XIRP1: variants seen among roughly 807,000 people sequenced by gnomAD.
The protein encoded by XIRP1 is xin actin binding repeat containing 1.
For synonymous variants in XIRP1, 984 were observed against 947.0 expected (o/e 1.04, Z -0.72); for missense variants, 2,378 against 2,345.4 (o/e 1.01, Z -0.29).
At chr3:39,189,988 G>C (rs1369035925) in intron 1 of XIRP1, among the ~76,000 whole-genome samples, 1 of 152,190 alleles carries the variant, frequency 6.6e-6, no homozygotes, top group Non-Finnish European at 1.5e-5. Flanking sequence ...CCAGAGGGCA[G>C]ACTTGCCATG....
Position 39,185,648 on chromosome 3 carries a change from TC to T in XIRP1, c.3797del (p.Gly1266AspfsTer22), listed in dbSNP as rs994350041. The T allele has an allele frequency of 2.5e-6, 4 of 1,613,318 alleles. No homozygotes were observed. Among genetic ancestry groups the T allele is most frequent in the Non-Finnish European group, 3.4e-6 (4 of 1,179,704 alleles). ...GGTGGGCTCCAGCTGGAAAGTCAGGTCCTGTCACAGCAGCTGGGAGAGTAGG... is the reference window on the plus strand; with the variant it reads ...GGTGGGCTCCAGCTGGAAAGTCAGGTCTGTCACAGCAGCTGGGAGAGTAGG... ...PPPTLPAAVT[G>X]PDFPAGAHRA... On this transcript the variant is annotated frameshift_variant, in exon 2 of 2. Coordinates refer to ENST00000340369, the MANE Select transcript of XIRP1 (RefSeq NM_194293.4). LOFTEE classifies it low-confidence loss of function (END_TRUNC).
At position 39,189,495 on chromosome 3, in the gene XIRP1, T is replaced by C. The variant is rs771776205; in HGVS notation, c.-50A>G. 1 of 1,531,162 alleles carries C rather than the reference T, an allele frequency of 6.5e-7. No individual in the cohort carries two copies. The highest frequency in any genetic ancestry group is 8.8e-7 in the Non-Finnish European group (1 of 1,141,378). The allele number at this position is 1,531,162 out of a possible 1,614,324, so 94.8% of individuals were successfully genotyped here. On this transcript the variant is annotated 5_prime_UTR_variant, in exon 2 of 2. Transcript: ENST00000340369. ...TGAGGATGGGATTGGGAGCCTTAGA[T>C]CTAGATGTTCAGCAGGGTAGAGGCT... is the stretch of plus-strand genomic sequence containing the variant.
Position 39,186,611 on chromosome 3 carries a change from C to T in XIRP1, c.2835G>A (p.Arg945=), listed in dbSNP as rs1286643248. Residue 945 remains arginine, a synonymous_variant, in exon 2 of 2, where the codon CGG becomes CGA. Coordinates refer to ENST00000340369, the MANE Select transcript of XIRP1 (RefSeq NM_194293.4). ...KGDLSGLHSL[R]WEPPADPSPV... is the part of the protein sequence containing the mutation. The stretch of plus-strand genomic sequence containing the variant: ...GACTCGGGTCAGCCGGGGGCTCCCA[C>T]CGCAGACTGTGCAGGCCACTCAGGT... The T allele has an allele frequency of 1.9e-6, 3 of 1,610,152 alleles. No homozygotes were observed. The highest frequency in any genetic ancestry group is 1.7e-6 in the Non-Finnish European group (2 of 1,177,524).
chr3:39,191,767 C>A (rs1245136586), intron 1 of XIRP1, among the ~76,000 whole-genome samples: 1 of 152,204 alleles, frequency 6.6e-6, no homozygotes. Context: ...CCTCCTTGGC[C>A]CAGCTGGCTC....
In XIRP1 at chr3:39,183,584, G is replaced by A. The variant is rs114470485; in HGVS notation, c.*330C>T. 0.014 allele frequency: 3,982 copies of A among 294,756 alleles called. 54 individuals are homozygous for A. The highest frequency in any genetic ancestry group is 0.021 in the South Asian group (281 of 13,704). 18.3% of individuals were successfully genotyped at this position (294,756 alleles called of 1,614,324 possible). On this transcript the variant is annotated 3_prime_UTR_variant, in exon 2 of 2. Coordinates refer to ENST00000340369, the MANE Select transcript of XIRP1 (RefSeq NM_194293.4). ...GGGGCTCCAATTCAGGCAGTGGTGT[G>A]CAAATTCACACATGTCGATGCGTGG...
At position 39,186,649 on chromosome 3, in the gene XIRP1, T is replaced by C. The variant is rs773818600; in HGVS notation, c.2797A>G (p.Ile933Val). The change falls in exon 2 of 2, where the codon ATA (isoleucine) becomes GTA (valine). Residue 933 changes from isoleucine to valine, a missense_variant. Coordinates refer to ENST00000340369, the MANE Select transcript of XIRP1 (RefSeq NM_194293.4). ...AGGCCACTCAGGTCTCCTTTATCTA[T>C]GCAGCTGGCCAACAGCTGCACGCTG... The part of the protein sequence containing the change: ...RSSVQLLASC[I>V]DKGDLSGLHS... 9 of 1,613,244 alleles carry C rather than the reference T, an allele frequency of 5.6e-6. No individual in the cohort carries two copies. Among genetic ancestry groups the C allele is most frequent in the Non-Finnish European group, 7.6e-6 (9 of 1,179,656 alleles).
rs1368903843 is a variant in XIRP1 at position 39,185,725 on chromosome 3, G to A, written c.3721C>T (p.Gln1241Ter). Residue 1241 changes from glutamine (Q) to a stop codon, truncating the protein, a stop_gained, in exon 2 of 2, where the codon CAA becomes TAA. Transcript: ENST00000340369. LOFTEE classifies it low-confidence loss of function (END_TRUNC). ...LGRHILASGP[Q>*]AAGASPHPHN... is the part of the protein sequence containing the mutation. ...GGGTGCGGGCTGGCACCTGCAGCTT[G>A]GGGCCCAGAGGCCAGAATGTGGCGG... is the stretch of plus-strand genomic sequence containing the variant. The A allele has an allele frequency of 6.2e-7, 1 of 1,609,186 alleles. No homozygotes were observed. Among genetic ancestry groups the A allele is most frequent in the Admixed American group, 1.7e-5 (1 of 59,418 alleles).
At chr3:39,189,623 C>T in intron 1 of XIRP1, 98 bp from the exon 2 acceptor site, 1 of 916,188 alleles carries the variant, frequency 1.1e-6, no homozygotes, top group Admixed American at 3.1e-5. Context: ...CTGGCCTGGG[C>T]TTCACTTCGC....
At chr3:39,191,928 C>A (rs2040093272) in intron 1 of XIRP1, among the ~76,000 whole-genome samples, 1 of 152,222 alleles carries the variant, frequency 6.6e-6, no homozygotes, top group Non-Finnish European at 1.5e-5. Context: ...ATGTAGGGAG[C>A]TGGGCTCCGG....
rs780189019 is a variant in XIRP1, at chr3:39,184,769, G to T, written c.4677C>A (p.Ser1559Arg). Residue 1559 changes from serine to arginine, a missense_variant, in exon 2 of 2, where the codon AGC becomes AGA. Transcript: ENST00000340369. The stretch of plus-strand genomic sequence containing the variant: ...CCTCAGGCTGGAGGCTAGACATGGA[G>T]CTGAGTGCCTTGTGCACAGCCTCTT... ...DIEEAVHKAL[S>R]SMSSLQPEAS... 3.4e-5 allele frequency: 55 copies of T among 1,614,134 alleles called. No homozygotes were observed. The highest frequency in any genetic ancestry group is 4.4e-5 in the Non-Finnish European group (52 of 1,180,046).
At position 39,187,226 on chromosome 3, in the gene XIRP1, C is replaced by T. The variant is rs1337049736; in HGVS notation, c.2220G>A (p.Leu740=). The T allele has an allele frequency of 1.9e-6, 3 of 1,589,386 alleles. No homozygotes were observed. The highest frequency in any genetic ancestry group is 2.6e-6 in the Non-Finnish European group (3 of 1,164,038). ...TGCCCCCTTGGATGCTCTCAGCTGC[C>T]AGGGAGCCCATGGGACAATTCTCAA... The part of the protein sequence containing the change: ...WLFENCPMGS[L]AAESIQGGNL... The change falls in exon 2 of 2, where the codon CTG becomes CTA. Residue 740 remains leucine (L), a synonymous_variant. Coordinates refer to ENST00000340369, the MANE Select transcript of XIRP1 (RefSeq NM_194293.4).
At position 39,188,129 on chromosome 3, in the gene XIRP1, C is replaced by G; in HGVS notation, c.1317G>C (p.Lys439Asn). 1 of 1,614,208 alleles carries G rather than the reference C, an allele frequency of 6.2e-7. No individual in the cohort carries two copies. Among genetic ancestry groups the G allele is most frequent in the Non-Finnish European group, 8.5e-7 (1 of 1,180,032 alleles). Reference protein sequence around the residue: ...PQRDELKGDVKTFKNLFETLP... With the variant: ...PQRDELKGDVNTFKNLFETLP... ...GGGTCTCAAAAAGGTTCTTAAAAGT[C>G]TTCACATCCCCCTTTAGCTCATCCC... The change falls in exon 2 of 2, where the codon AAG becomes AAC. Residue 439 changes from lysine to asparagine, a missense_variant. By Grantham distance (94) the Lys-to-Asn change is moderately conservative. Coordinates refer to ENST00000340369, the MANE Select transcript of XIRP1 (RefSeq NM_194293.4).
In XIRP1 at chr3:39,188,652, G is replaced by A. The variant is rs758984777; in HGVS notation, c.794C>T (p.Ala265Val). ...AACREEIQSN[A>V]VRSARWLFET... The stretch of plus-strand genomic sequence containing the variant: ...AAAGAGCCAGCGGGCAGACCTCACC[G>A]CGTTGCTTTGGATCTCCTCCCGGCA... The change falls in exon 2 of 2, where the codon GCG becomes GTG. Residue 265 changes from alanine (A) to valine (V), a missense_variant. Coordinates refer to ENST00000340369, the MANE Select transcript of XIRP1 (RefSeq NM_194293.4). 11 of 1,612,820 alleles carry A rather than the reference G, an allele frequency of 6.8e-6. No individual in the cohort carries two copies. The highest frequency in any genetic ancestry group is 4.5e-5 in the East Asian group (2 of 44,836).
At position 39,185,603 on chromosome 3, in the gene XIRP1, C is replaced by T. The variant is rs920644592; in HGVS notation, c.3843G>A (p.Gln1281=). Residue 1281 remains glutamine, a synonymous_variant, in exon 2 of 2, where the codon CAG becomes CAA. Transcript: ENST00000340369. The part of the protein sequence containing the change: ...AGAHRAEDSI[Q]QASEPLKDPL... Reference sequence around the variant, plus strand: ...GGTCCTTCAGGGGCTCAGAGGCTTGCTGGATGGAGTCCTCAGCACGGTGGG... The same window carrying T: ...GGTCCTTCAGGGGCTCAGAGGCTTGTTGGATGGAGTCCTCAGCACGGTGGG... The T allele has an allele frequency of 6.2e-6, 10 of 1,606,238 alleles. No homozygotes were observed. The highest frequency in any genetic ancestry group is 2.7e-5 in the African/African-American group (2 of 74,640).
rs1297069566 is a variant in XIRP1 at position 39,187,674 on chromosome 3, A to G, written c.1772T>C (p.Val591Ala). 1.9e-6 allele frequency: 3 copies of G among 1,613,958 alleles called. No homozygotes were observed. Among genetic ancestry groups the G allele is most frequent in the Non-Finnish European group, 2.5e-6 (3 of 1,180,056 alleles). ...CTCGAACAACCACCGGATGGTCTGC[A>G]CATCGCCCTTTGGGGGTGCCTCAGG... ...PQPEAPPKGD[V>A]QTIRWLFETC... Residue 591 changes from valine (V) to alanine (A), a missense_variant, in exon 2 of 2, where the codon GTG (valine) becomes GCG (alanine). Val to Ala is a moderately conservative substitution (Grantham distance 64, BLOSUM62 0). Transcript: ENST00000340369.
chr3:39,188,153 C>A lies in XIRP1; in HGVS notation c.1293G>T (p.Arg431Ser). ...TCTTCACATCCCCCTTTAGCTCATC[C>A]CTCTGGGGGGCACTCTGAGAGAAGG... Reference protein sequence around the residue: ...ALPFSQSAPQRDELKGDVKTF... With the variant: ...ALPFSQSAPQSDELKGDVKTF... The change falls in exon 2 of 2, where the codon AGG becomes AGT. Residue 431 changes from arginine to serine, a missense_variant. Physicochemically the swap from Arg to Ser is moderately radical, Grantham distance 110. Transcript: ENST00000340369. 6.2e-7 allele frequency: 1 copy of A among 1,614,194 alleles called. No individual in the cohort carries two copies. The highest frequency in any genetic ancestry group is 8.5e-7 in the Non-Finnish European group (1 of 1,180,040).
chr3:39,188,065 G>T lies in XIRP1; in HGVS notation c.1381C>A (p.His461Asn), dbSNP rs372232839. Residue 461 changes from histidine (H) to asparagine (N), a missense_variant, in exon 2 of 2, where the codon CAT becomes AAT. Transcript: ENST00000340369. ...DSIGQGEVLAHGSPSREEGTD... is the reference protein window; with the variant it reads ...DSIGQGEVLANGSPSREEGTD... ...CCTTCTTCTCTGCTTGGACTCCCAT[G>T]GGCCAGAACCTCACCCTGTCCAATG... The T allele has an allele frequency of 6.2e-7, 1 of 1,614,074 alleles. No individual in the cohort carries two copies. Among genetic ancestry groups the T allele is most frequent in the African/African-American group, 1.3e-5 (1 of 74,926 alleles).
chr3:39,184,054 T>C lies in XIRP1; in HGVS notation c.5392A>G (p.Asn1798Asp), dbSNP rs1249904812. 1 of 1,610,836 alleles carries C rather than the reference T, an allele frequency of 6.2e-7. No homozygotes were observed. Among genetic ancestry groups the C allele is most frequent in the East Asian group, 2.2e-5 (1 of 44,784 alleles). Residue 1798 changes from asparagine to aspartate, a missense_variant, in exon 2 of 2, where the codon AAC (asparagine) becomes GAC (aspartate). Asn to Asp is a conservative substitution (Grantham distance 23). Coordinates refer to ENST00000340369, the MANE Select transcript of XIRP1 (RefSeq NM_194293.4). ...TVTEQAEPPR[N>D]PGSHLGLHAS... ...TGGAGCCCGAGGTGGGAGCCTGGGT[T>C]CCTGGGTGGCTCTGCCTGCTCGGTG...
At position 39,187,205 on chromosome 3, in the gene XIRP1, C is replaced by T. The variant is rs1384893750; in HGVS notation, c.2241G>A (p.Gly747=). 1.3e-6 allele frequency: 2 copies of T among 1,592,522 alleles called. No homozygotes were observed. Among genetic ancestry groups the T allele is most frequent in the Admixed American group, 3.5e-5 (2 of 57,962 alleles). ...TGGGCTGCTCTTCCAGGAGGTTGCC[C>T]CCTTGGATGCTCTCAGCTGCCAGGG... ...MGSLAAESIQ[G]GNLLEEQPMS... Residue 747 remains glycine, a synonymous_variant, in exon 2 of 2, where the codon GGG becomes GGA. Transcript: ENST00000340369.
Sources: allele counts gnomAD v4.1 joint callset (sites outside exome capture counted in the v4.1 genomes callset), GRCh38; gene constraint gnomAD v4.1.1; transcripts MANE v1.5; gene names NCBI Gene and HGNC (gene_info 2026-07-23, HGNC 2026-07-21).